Variants in SLC14A2 observed in about 807,000 individuals in gnomAD.
The protein encoded by SLC14A2 is solute carrier family 14 member 2.
Under a neutral mutation model 104.6 loss-of-function variants are expected in SLC14A2, and 91 were observed. The ratio of observed to expected loss-of-function variants is 0.87; its 90% confidence interval spans 0.73 to 1.04. SLC14A2 has a LOEUF of 1.04. SLC14A2 is among the 50% of genes least tolerant of loss of function. The pLI is 0.00. For synonymous variants in SLC14A2, 476 were observed against 466.4 expected (o/e 1.02, Z -0.27); for missense variants, 1,189 against 1,156.0 (o/e 1.03, Z -0.41).
chr18:45,642,365 A>T (rs2045543337), intron 8 of SLC14A2, among the ~76,000 whole-genome samples: 1 of 152,186 alleles, frequency 6.6e-6, no homozygotes, highest in Admixed American at 6.5e-5. Flanking sequence ...TGAGGTTCAG[A>T]CCGTAACTGC....
chr18:45,638,030 GC>G (rs907273227), intron 6 of SLC14A2, among the ~76,000 whole-genome samples: 53 of 152,228 alleles, frequency 3.5e-4, no homozygotes, highest in African/African-American at 1.3e-3. Flanking sequence ...CCATTCCAAG[GC>G]CACTCATTCC....
At chr18:45,531,171 T>G in intron 2 of SLC14A2, among the ~76,000 whole-genome samples, 1 of 152,260 alleles carries the variant, frequency 6.6e-6, no homozygotes, top group Non-Finnish European at 1.5e-5. Context: ...CGTGTGCATG[T>G]GTCTTTATAG....
chr18:45,244,869 T>C (rs1287674830), intron 1 of SLC14A2, among the ~76,000 whole-genome samples: 1 of 152,210 alleles, frequency 6.6e-6, no homozygotes, highest in African/African-American at 2.4e-5. Context: ...CATCTATTCA[T>C]TCATCCATCT....
chr18:45,677,376 G>A (rs193247363), intron 18 of SLC14A2, among the ~76,000 whole-genome samples: 98 of 152,212 alleles, frequency 6.4e-4, no homozygotes, highest in African/African-American at 2.3e-3. Flanking sequence ...CCCTCTATTC[G>A]GGGGCCTTGG....
chr18:45,279,369 A>G (rs944590710), intron 1 of SLC14A2, among the ~76,000 whole-genome samples: 14 of 152,230 alleles, frequency 9.2e-5, no homozygotes, highest in African/African-American at 3.1e-4. Flanking sequence ...TCTTCCTCAT[A>G]TATCACTTTG....
intron 10 of SLC14A2, among the ~76,000 whole-genome samples, chr18:45,651,400 C>T (rs971801613): frequency 2.6e-5 from 4 of 152,096 alleles, no homozygotes; most frequent in African/African-American, 9.7e-5. Context: ...AGAGCTGCAG[C>T]CGTGTGTGTC....
At chr18:45,229,295 C>T (rs762818201) in intron 1 of SLC14A2, among the ~76,000 whole-genome samples, 9 of 151,938 alleles carry the variant, frequency 5.9e-5, no homozygotes, top group Non-Finnish European at 1.0e-4. Flanking sequence ...AGAAGTCAGA[C>T]GCTAATAATT....
At chr18:45,254,477 C>A (rs2084455463) in intron 1 of SLC14A2, among the ~76,000 whole-genome samples, 1 of 152,164 alleles carries the variant, frequency 6.6e-6, no homozygotes, top group Admixed American at 6.5e-5. Context: ...AAGGGGTCCT[C>A]AGGGGAAGAG....
intron 1 of SLC14A2, among the ~76,000 whole-genome samples, chr18:45,299,396 G>T (rs2084946245): frequency 6.6e-6 from 1 of 152,028 alleles, no homozygotes; most frequent in South Asian, 2.1e-4. Flanking sequence ...AAAAGCCAGG[G>T]GTGCACACAC....
intron 1 of SLC14A2, among the ~76,000 whole-genome samples, chr18:45,482,871 G>A (rs2087522955): frequency 6.6e-6 from 1 of 152,176 alleles, no homozygotes; most frequent in Non-Finnish European, 1.5e-5. Flanking sequence ...CCACCACAGA[G>A]TTGAAGTTTA....
rs547282767 is a variant in SLC14A2 at position 45,502,891 on chromosome 18, A to G, written c.-35+19569A>G. On this transcript the variant is annotated intron_variant, in intron 2 of 20. Transcript: ENST00000586448. ...AACCACAAGATTCTGATAAGGACCT[A>G]TGTGTCCTATGTGTCCTATTTCTGG... Among the ~76,000 whole-genome samples the G allele has an allele frequency of 4.6e-5, 7 of 151,692 alleles. No homozygotes were observed. The South Asian group carries it at 1.5e-3, about 32-fold the overall frequency.
intron 1 of SLC14A2, among the ~76,000 whole-genome samples, chr18:45,387,422 G>A (rs928805765): frequency 6.6e-6 from 1 of 152,140 alleles, no homozygotes; most frequent in African/African-American, 2.4e-5. Context: ...ATATTTATGA[G>A]AATGACTGAT....
At chr18:45,293,728 T>C (rs1338548694) in intron 1 of SLC14A2, among the ~76,000 whole-genome samples, 5 of 152,128 alleles carry the variant, frequency 3.3e-5, no homozygotes, top group Admixed American at 1.3e-4. Flanking sequence ...TACGAAGAGG[T>C]TGTATTGTGC....
At chr18:45,398,906 T>C (rs1432261649) in intron 1 of SLC14A2, among the ~76,000 whole-genome samples, 2 of 152,192 alleles carry the variant, frequency 1.3e-5, no homozygotes, top group East Asian at 3.8e-4. Flanking sequence ...AGATAGGTGG[T>C]AGTAATGATT....
intron 1 of SLC14A2, among the ~76,000 whole-genome samples, chr18:45,315,936 G>C (rs528849552): frequency 1.3e-5 from 2 of 152,300 alleles, no homozygotes; most frequent in East Asian, 1.9e-4. Context: ...TATAAATACC[G>C]CTGGGAGGGG....
chr18:45,581,174 A>G (rs16978413), intron 2 of SLC14A2, among the ~76,000 whole-genome samples: 3,071 of 152,172 alleles, frequency 0.02, 99 homozygotes, highest in African/African-American at 0.069. Context: ...TCTAGAGTGG[A>G]TATTTTGGGA....
At chr18:45,234,914 C>G (rs769463154) in intron 1 of SLC14A2, among the ~76,000 whole-genome samples, 15 of 152,110 alleles carry the variant, frequency 9.9e-5, no homozygotes, top group Middle Eastern at 6.8e-3. Flanking sequence ...CCCAGTGAGA[C>G]AGATGAAGCA....
At chr18:45,670,228 T>C (rs186206679) in intron 16 of SLC14A2, among the ~76,000 whole-genome samples, 198 of 152,370 alleles carry the variant, frequency 1.3e-3, no homozygotes, top group African/African-American at 4.6e-3. Context: ...AAAGCACAGG[T>C]GTTCTTTCAT....
At chr18:45,296,501 A>G (rs977380814) in intron 1 of SLC14A2, among the ~76,000 whole-genome samples, 5 of 152,196 alleles carry the variant, frequency 3.3e-5, no homozygotes, top group African/African-American at 1.2e-4. Flanking sequence ...CCAGGAGTTA[A>G]TGAAGTATTT....
Sources: allele counts gnomAD v4.1 joint callset (sites outside exome capture counted in the v4.1 genomes callset), GRCh38; gene constraint gnomAD v4.1.1; transcripts MANE v1.5; gene names NCBI Gene and HGNC (gene_info 2026-07-23, HGNC 2026-07-21).